The following HMCN1 variants were observed in gnomAD, a reference collection of about 807,000 sequenced individuals.
The protein encoded by HMCN1 is hemicentin-1.
A neutral mutation model predicts 625.9 loss-of-function variants in HMCN1; 321 were observed. That is an observed-to-expected ratio of 0.51 (90% CI 0.47 to 0.56). The LOEUF (loss-of-function observed/expected upper bound fraction) is 0.56, where lower values mean the gene tolerates loss of function less well. Ranked by LOEUF, HMCN1 falls within the 20% of genes least tolerant of loss-of-function variation. The pLI, the probability that HMCN1 is intolerant of heterozygous loss-of-function variation, is 0.00. For missense variants in HMCN1, 6,588 were observed against 6,887.3 expected (o/e 0.96, Z 1.54); for synonymous variants, 2,425 against 2,417.6 (o/e 1.00, Z -0.09).
At chr1:186,067,752 A>G in intron 49 of HMCN1, 82 bp from the exon 50 acceptor site, 1 of 918,788 alleles carries the variant, frequency 1.1e-6, no homozygotes, top group Non-Finnish European at 1.8e-6. Flanking sequence ...AAATTATACA[A>G]ATACATATAA....
At chr1:186,040,316 TAAG>T (rs1045420756) in intron 39 of HMCN1, among the ~76,000 whole-genome samples, 3 of 152,046 alleles carry the variant, frequency 2.0e-5, no homozygotes, top group Non-Finnish European at 4.4e-5. Context: ...AGTAATATAG[TAAG>T]AAAAAATATA....
chr1:185,776,318 T>C (rs1200589140), intron 1 of HMCN1, among the ~76,000 whole-genome samples: 1 of 152,172 alleles, frequency 6.6e-6, no homozygotes, highest in African/African-American at 2.4e-5. Context: ...AGGGACCATA[T>C]GCTATCTTCA....
intron 4 of HMCN1, among the ~76,000 whole-genome samples, chr1:185,873,826 G>A (rs1282394893): frequency 6.6e-6 from 1 of 151,924 alleles, no homozygotes; most frequent in South Asian, 2.1e-4. Flanking sequence ...TGAATAATTT[G>A]GGCCAAGGTA....
chr1:186,172,815 C>T (rs1207169965), intron 102 of HMCN1, among the ~76,000 whole-genome samples: 4 of 152,110 alleles, frequency 2.6e-5, no homozygotes, highest in Non-Finnish European at 5.9e-5. Flanking sequence ...TACCCCCTCC[C>T]CCCAAAAAAG....
intron 72 of HMCN1, among the ~76,000 whole-genome samples, chr1:186,113,373 A>G (rs1660978528): frequency 6.6e-6 from 1 of 152,216 alleles, no homozygotes; most frequent in Non-Finnish European, 1.5e-5. Context: ...CTGAATGCCA[A>G]CATCTAGGAA....
At chr1:186,090,065 T>C (rs532061261) in intron 63 of HMCN1, among the ~76,000 whole-genome samples, 14 of 152,010 alleles carry the variant, frequency 9.2e-5, no homozygotes, top group African/African-American at 3.4e-4. Flanking sequence ...ATGTACAAAA[T>C]TGGCTTTTGC....
chr1:185,743,263 C>G (rs894790792), intron 1 of HMCN1, among the ~76,000 whole-genome samples: 5 of 152,120 alleles, frequency 3.3e-5, no homozygotes, highest in African/African-American at 1.2e-4. Context: ...TTTTATCCTG[C>G]CTTTCATATC....
At chr1:186,092,189 T>A (rs574203914) in intron 64 of HMCN1, among the ~76,000 whole-genome samples, 3 of 152,078 alleles carry the variant, frequency 2.0e-5, no homozygotes, top group South Asian at 4.1e-4. Flanking sequence ...TTATTATTCA[T>A]TCCATAATAT....
intron 1 of HMCN1, among the ~76,000 whole-genome samples, chr1:185,842,065 A>T (rs1558008745): frequency 1.3e-5 from 2 of 152,194 alleles, no homozygotes; most frequent in Non-Finnish European, 2.9e-5. Context: ...CTGGAAAAAA[A>T]GTCTGTATCA....
chr1:185,916,114 A>G (rs1258133943), intron 6 of HMCN1, among the ~76,000 whole-genome samples: 1 of 151,884 alleles, frequency 6.6e-6, no homozygotes, highest in African/African-American at 2.4e-5. Context: ...TGTTTTGGAT[A>G]CATTTCCTAA....
At chr1:185,886,456 T>C (rs944602973) in intron 4 of HMCN1, among the ~76,000 whole-genome samples, 1 of 152,092 alleles carries the variant, frequency 6.6e-6, no homozygotes, top group African/African-American at 2.4e-5. Context: ...TTTGAAAAGG[T>C]TGAGGATACT....
intron 4 of HMCN1, among the ~76,000 whole-genome samples, chr1:185,882,794 A>G (rs899706587): frequency 3.3e-5 from 5 of 152,138 alleles, no homozygotes. Flanking sequence ...GATTATAAGA[A>G]GACAATTTTT....
Position 186,070,746 on chromosome 1 carries a change from A to G in HMCN1, c.8128A>G (p.Lys2710Glu), listed in dbSNP as rs1414288598. ...TCCTTCTGCCTCCCTCAGCTGGTAC[A>G]AGGATGGACAGGCCAGTCACAACTT... ...AIPSASLSWY[K>E]DGQPLKSDDH... Residue 2710 changes from lysine to glutamate, a missense_variant, in exon 52 of 107, where the codon AAG (lysine) becomes GAG (glutamate). This residue lies in a region of HMCN1 where 4,628 missense variants were observed against 4,853.1 expected (regional missense o/e 0.95). Coordinates refer to ENST00000271588, the MANE Select transcript of HMCN1 (RefSeq NM_031935.3). 5 of 1,613,882 alleles carry G rather than the reference A, an allele frequency of 3.1e-6. No individual in the cohort carries two copies. The highest frequency in any genetic ancestry group is 3.4e-6 in the Non-Finnish European group (4 of 1,179,836).
intron 1 of HMCN1, among the ~76,000 whole-genome samples, chr1:185,764,356 T>A (rs942662947): frequency 6.6e-6 from 1 of 152,094 alleles, no homozygotes; most frequent in African/African-American, 2.4e-5. Flanking sequence ...GAAGTTAGGG[T>A]TATAGTGGTT....
At chr1:186,130,738 A>C (rs114046965) in intron 85 of HMCN1, 41 bp downstream of exon 85, 400 of 1,523,440 alleles carry the variant, frequency 2.6e-4, no homozygotes, top group Middle Eastern at 4.6e-4. Flanking sequence ...TTAAACCCCC[A>C]CAGCCAATAC....
At chr1:186,127,263 A>C (rs1661694034) in intron 82 of HMCN1, among the ~76,000 whole-genome samples, 1 of 152,200 alleles carries the variant, frequency 6.6e-6, no homozygotes, top group East Asian at 1.9e-4. Flanking sequence ...TAGAATAAGA[A>C]GTTCAATAGA....
chr1:185,767,794 C>A (rs1196904696), intron 1 of HMCN1, among the ~76,000 whole-genome samples: 1 of 152,042 alleles, frequency 6.6e-6, no homozygotes, highest in East Asian at 1.9e-4. Flanking sequence ...TCATTTAAAT[C>A]AGGGCATTAA....
rs181496579 is a variant in HMCN1, at chr1:185,795,249, T to G, written c.269-50777T>G. Among the ~76,000 whole-genome samples the G allele has an allele frequency of 2.4e-3, 363 of 152,338 alleles. 4 individuals carry two copies. The highest frequency in any genetic ancestry group is 6.8e-3 in the Middle Eastern group (2 of 294). ...AGCTATAGTGCCTTTGATTTACTTG[T>G]AACTTTCTGTTGCCAACCCAAATAT... On this transcript the variant is annotated intron_variant, in intron 1 of 106. Transcript: ENST00000271588.
chr1:185,782,582 A>G (rs912796448), intron 1 of HMCN1, among the ~76,000 whole-genome samples: 2 of 152,196 alleles, frequency 1.3e-5, no homozygotes, highest in African/African-American at 4.8e-5. Context: ...TCTGTAAAGT[A>G]TTTAATTTCT....
Sources: allele counts gnomAD v4.1 joint callset (sites outside exome capture counted in the v4.1 genomes callset), GRCh38; gene constraint gnomAD v4.1.1; regional missense constraint gnomAD v4.1.1; transcripts MANE v1.5; gene names NCBI Gene and HGNC (gene_info 2026-07-23, HGNC 2026-07-21).